ARSG: variants seen among roughly 807,000 people sequenced by gnomAD.
ARSG encodes the protein arylsulfatase G.
In ARSG, 37 loss-of-function variants were observed where a neutral mutation model predicts 50.5. That is an observed-to-expected ratio of 0.73 (90% CI 0.56 to 0.96). The LOEUF (loss-of-function observed/expected upper bound fraction) is 0.96, where lower values mean the gene tolerates loss of function less well. Among genes scored for constraint, ARSG ranks in the 50% least tolerant of loss-of-function variants. The probability of loss-of-function intolerance (pLI) is 0.00; values close to 1 mark genes in which losing one functional copy is unlikely to be tolerated. For synonymous variants in ARSG, 225 were observed against 254.6 expected (o/e 0.88, Z 1.11); for missense variants, 629 against 675.3 (o/e 0.93, Z 0.76).
intron 2 of ARSG, among the ~76,000 whole-genome samples, chr17:68,317,615 A>G (rs1360638497): frequency 3.3e-5 from 5 of 152,132 alleles, no homozygotes; most frequent in African/African-American, 1.2e-4. Context: ...ACATGTCAGT[A>G]GGTTAAGCAG....
At chr17:68,370,172 GC>G (rs1490860679) in intron 7 of ARSG, among the ~76,000 whole-genome samples, 3 of 151,982 alleles carry the variant, frequency 2.0e-5, no homozygotes, top group African/African-American at 7.3e-5. Flanking sequence ...CCACCACCAT[GC>G]CCGGCTAATT....
In ARSG at chr17:68,399,989, T is replaced by C. The variant is rs933845130; in HGVS notation, c.1213-1371T>C. 6.6e-6 allele frequency among the ~76,000 whole-genome samples: 1 copy of C among 152,222 alleles called. No individual in the cohort carries two copies. Among genetic ancestry groups the C allele is most frequent in the Non-Finnish European group, 1.5e-5 (1 of 68,020 alleles). On this transcript the variant is annotated intron_variant, in intron 10 of 11. Transcript: ENST00000621439. This position sits in a 1 kb window ranked among gnomAD's most constrained non-coding sequence, Gnocchi z 4.6. Reference sequence around the variant, plus strand: ...GAACCTGCTATCATCATGCGCGCCCTGGGTTTGTGCAGGGATTGTCACGAG... The same window carrying C: ...GAACCTGCTATCATCATGCGCGCCCCGGGTTTGTGCAGGGATTGTCACGAG...
At chr17:68,305,231 C>A (rs1406953376) in intron 1 of ARSG, among the ~76,000 whole-genome samples, 3 of 152,214 alleles carry the variant, frequency 2.0e-5, no homozygotes, top group Non-Finnish European at 4.4e-5. Context: ...CATTTGCAAC[C>A]TGCAGCTTAA....
chr17:68,312,411 G>C (rs781786265), intron 2 of ARSG, among the ~76,000 whole-genome samples: 1 of 152,034 alleles, frequency 6.6e-6, no homozygotes, highest in Admixed American at 6.6e-5. Context: ...CAAAGGGCGT[G>C]GGTTGCCAAA....
At chr17:68,398,682 G>A (rs2081352886) in intron 10 of ARSG, among the ~76,000 whole-genome samples, 1 of 152,234 alleles carries the variant, frequency 6.6e-6, no homozygotes, top group Admixed American at 6.5e-5. Context: ...CAAGAGTTAA[G>A]GAGAGGAGCA....
At chr17:68,260,769 T>C (rs1555745041) in intron 1 of ARSG, among the ~76,000 whole-genome samples, 1 of 152,072 alleles carries the variant, frequency 6.6e-6, no homozygotes, top group Admixed American at 6.5e-5. Flanking sequence ...CTGGGATTAC[T>C]GATGTGAGCC....
At chr17:68,282,160 A>G (rs545119077) in intron 1 of ARSG, among the ~76,000 whole-genome samples, 4 of 152,336 alleles carry the variant, frequency 2.6e-5, no homozygotes, top group South Asian at 2.1e-4. Flanking sequence ...ACCATGGAAT[A>G]CTATGCAGCC....
chr17:68,295,617 C>T (rs1221785653), intron 1 of ARSG, among the ~76,000 whole-genome samples: 2 of 151,460 alleles, frequency 1.3e-5, no homozygotes, highest in African/African-American at 4.9e-5. Context: ...TGCTTGAAGA[C>T]CAAACGTTTG....
At chr17:68,300,444 A>T (rs140973373) in intron 1 of ARSG, among the ~76,000 whole-genome samples, 2 of 152,312 alleles carry the variant, frequency 1.3e-5, no homozygotes, top group East Asian at 3.9e-4. Flanking sequence ...CAGCTTTGTA[A>T]AAGGTTCTTA....
At chr17:68,326,619 C>T (rs185304072) in intron 2 of ARSG, among the ~76,000 whole-genome samples, 121 of 152,296 alleles carry the variant, frequency 7.9e-4, no homozygotes, top group African/African-American at 2.9e-3. Flanking sequence ...CAGCCGAGAT[C>T]GTGCCATTGC....
intron 1 of ARSG, chr17:68,274,156 A>T (rs2075435835): frequency 2.9e-6 from 4 of 1,389,016 alleles, no homozygotes; most frequent in South Asian, 1.3e-5. Context: ...CGTCTTGCAC[A>T]TGGAGAGATG....
chr17:68,377,131 G>GGATT (rs1161889489), intron 8 of ARSG, among the ~76,000 whole-genome samples: 8 of 152,112 alleles, frequency 5.3e-5, no homozygotes, highest in Non-Finnish European at 1.2e-4. Flanking sequence ...CAAAGTGCTG[G>GGATT]GATTACAGGC....
intron 1 of ARSG, chr17:68,282,867 G>A (rs1163343020): frequency 1.3e-5 from 2 of 149,548 alleles, no homozygotes; most frequent in Admixed American, 1.3e-4. Flanking sequence ...AGAATTGCTT[G>A]AACCCCGGAG....
At chr17:68,288,906 A>T (rs1568421314), upstream of ARSG, among the ~76,000 whole-genome samples, 1 of 152,152 alleles carries the variant, frequency 6.6e-6, no homozygotes. Flanking sequence ...GCCTTTTCCA[A>T]CTTACAAAAC....
Position 68,307,614 on chromosome 17 carries a change from A to T in ARSG, c.121A>T (p.Ile41Phe). The T allele has an allele frequency of 6.2e-7, 1 of 1,613,888 alleles. No homozygotes were observed. Among genetic ancestry groups the T allele is most frequent in the Non-Finnish European group, 8.5e-7 (1 of 1,179,780 alleles). ...AGGACAGAAGCCAAACTTTGTGATT[A>T]TTTTGGCCGATGACATGGGGTGGGG... ...TRGQKPNFVI[I>F]LADDMGWGDL... Residue 41 changes from isoleucine (I) to phenylalanine (F), a missense_variant, in exon 2 of 12, where the codon ATT (isoleucine) becomes TTT (phenylalanine). Physicochemically the swap from Ile to Phe is conservative, Grantham distance 21. Transcript: ENST00000621439.
intron 2 of ARSG, among the ~76,000 whole-genome samples, chr17:68,308,166 G>T (rs782020417): frequency 6.6e-6 from 1 of 152,108 alleles, no homozygotes; most frequent in Non-Finnish European, 1.5e-5. Flanking sequence ...ATTAGCTAGC[G>T]GTGGTGGCAC....
At chr17:68,347,980 G>A (rs2078589255) in intron 4 of ARSG, among the ~76,000 whole-genome samples, 1 of 152,202 alleles carries the variant, frequency 6.6e-6, no homozygotes, top group African/African-American at 2.4e-5. Context: ...CGGAAGGTTT[G>A]CATTGGAAGA....
At chr17:68,444,833 T>A in the ARSG span, among the ~76,000 whole-genome samples, 2 of 151,936 alleles carry the variant, frequency 1.3e-5, no homozygotes, top group Non-Finnish European at 2.9e-5. Context: ...TGTTTTTACT[T>A]CTCTCCTTCC....
chr17:68,406,813 C>T (rs1340841054), intron 11 of ARSG, among the ~76,000 whole-genome samples: 2 of 152,090 alleles, frequency 1.3e-5, no homozygotes, highest in Non-Finnish European at 2.9e-5. Context: ...TTTTCTCCCA[C>T]TGTGTGGGCT....
Sources: allele counts gnomAD v4.1 joint callset (sites outside exome capture counted in the v4.1 genomes callset), GRCh38; gene constraint gnomAD v4.1.1; non-coding constraint Gnocchi (gnomAD v3.1); transcripts MANE v1.5; gene names NCBI Gene and HGNC (gene_info 2026-07-23, HGNC 2026-07-21).